Variants in FGGY observed in about 807,000 individuals in gnomAD.
The protein encoded by FGGY is FGGY carbohydrate kinase domain containing, also known as FGGY carbohydrate kinase domain-containing protein.
Under a neutral mutation model 71.3 loss-of-function variants are expected in FGGY, and 72 were observed. That is an observed-to-expected ratio of 1.01 (90% CI 0.84 to 1.23). The LOEUF is 1.23. Ranked by LOEUF, FGGY falls within the 50% of genes most tolerant of loss-of-function variation. The pLI is 0.00. For missense variants in FGGY, 668 were observed against 682.3 expected (o/e 0.98, Z 0.23); for synonymous variants, 251 against 250.3 (o/e 1.00, Z -0.02).
intron 8 of FGGY, among the ~76,000 whole-genome samples, chr1:59,594,004 G>T (rs891386040): frequency 2.0e-5 from 3 of 151,936 alleles, no homozygotes; most frequent in African/African-American, 7.2e-5. Context: ...CTGCAACCCT[G>T]GGGGGCAGCT....
At chr1:59,337,893 AGGTTGAATAGAAGT>A (rs2049911515) in intron 2 of FGGY, among the ~76,000 whole-genome samples, 1 of 152,196 alleles carries the variant, frequency 6.6e-6, no homozygotes, top group South Asian at 2.1e-4. Context: ...CTCAAGTATA[AGGTTGAATAGAAGT>A]GGTAAAAGTG....
chr1:59,678,897 G>C (rs1343790357), intron 14 of FGGY, among the ~76,000 whole-genome samples: 1 of 152,196 alleles, frequency 6.6e-6, no homozygotes, highest in East Asian at 1.9e-4. Flanking sequence ...CTTGGAATCA[G>C]CCAATTAATC....
intron 1 of FGGY, among the ~76,000 whole-genome samples, chr1:59,320,077 A>G (rs1295959661): frequency 6.6e-6 from 1 of 152,202 alleles, no homozygotes; most frequent in Non-Finnish European, 1.5e-5. Flanking sequence ...AGTTGAGGTT[A>G]CACACCAGTG....
chr1:59,556,244 G>T (rs373052380), intron 8 of FGGY, among the ~76,000 whole-genome samples: 1 of 152,240 alleles, frequency 6.6e-6, no homozygotes, highest in Non-Finnish European at 1.5e-5. Flanking sequence ...ATCTAATCAG[G>T]CTTCTCCTGG....
intron 5 of FGGY, among the ~76,000 whole-genome samples, chr1:59,389,190 C>T (rs1171029970): frequency 6.6e-6 from 1 of 152,172 alleles, no homozygotes; most frequent in East Asian, 1.9e-4. Flanking sequence ...TTGTGATCCG[C>T]CCACGGCTGA....
intron 7 of FGGY, among the ~76,000 whole-genome samples, chr1:59,515,533 T>C (rs932872187): frequency 3.9e-5 from 6 of 152,146 alleles, no homozygotes; most frequent in African/African-American, 1.4e-4. Context: ...TGATAATGAT[T>C]TGGCTGTGTC....
chr1:59,594,031 A>G (rs577689965), intron 8 of FGGY, among the ~76,000 whole-genome samples: 184 of 152,310 alleles, frequency 1.2e-3, no homozygotes, highest in African/African-American at 4.3e-3. Context: ...TAAACTTCTT[A>G]CAACAATTAA....
At chr1:59,700,210 T>C (rs1011595873) in intron 14 of FGGY, among the ~76,000 whole-genome samples, 11 of 152,200 alleles carry the variant, frequency 7.2e-5, no homozygotes, top group African/African-American at 2.4e-4. Flanking sequence ...CTAAGAATCA[T>C]TTCAAAAAGA....
At chr1:59,710,644 G>A (rs2097787273) in intron 14 of FGGY, among the ~76,000 whole-genome samples, 2 of 152,120 alleles carry the variant, frequency 1.3e-5, no homozygotes, top group Non-Finnish European at 2.9e-5. Flanking sequence ...AATATGAACA[G>A]ACACTTTTCA....
At chr1:59,477,915 C>A (rs979692668) in intron 6 of FGGY, among the ~76,000 whole-genome samples, 3 of 152,122 alleles carry the variant, frequency 2.0e-5, no homozygotes, top group Non-Finnish European at 4.4e-5. Context: ...ATTGTTGACT[C>A]AGAGCTGGGG....
intron 1 of FGGY, among the ~76,000 whole-genome samples, chr1:59,314,305 T>A (rs1034916064): frequency 2.6e-5 from 4 of 151,980 alleles, no homozygotes; most frequent in African/African-American, 9.7e-5. Context: ...TTTCAAGAGG[T>A]GATTCAGTGT....
chr1:59,450,389 G>C (rs11207451), intron 5 of FGGY, among the ~76,000 whole-genome samples: 80,278 of 151,942 alleles, frequency 0.53, 21,757 homozygotes, highest in African/African-American at 0.65. Context: ...ATTTATGTCT[G>C]TTGTATTTAC....
intron 5 of FGGY, among the ~76,000 whole-genome samples, chr1:59,419,131 G>T (rs953420323): frequency 3.9e-5 from 6 of 152,178 alleles, no homozygotes; most frequent in Admixed American, 1.3e-4. Flanking sequence ...GTTCTGGTTG[G>T]TGGTGGTGGT....
intron 1 of FGGY, among the ~76,000 whole-genome samples, chr1:59,309,105 T>A (rs2043868704): frequency 6.6e-6 from 1 of 152,270 alleles, no homozygotes; most frequent in African/African-American, 2.4e-5. Context: ...GACTTGATTT[T>A]AAAAATGGAT....
intron 10 of FGGY, among the ~76,000 whole-genome samples, chr1:59,629,797 T>C (rs1434169216): frequency 6.6e-6 from 1 of 152,204 alleles, no homozygotes; most frequent in Non-Finnish European, 1.5e-5. Flanking sequence ...TTTTCTTCAT[T>C]ATAACATAGG....
chr1:59,738,429 TAAAG>T (rs997141496), intron 14 of FGGY, among the ~76,000 whole-genome samples: 23 of 152,022 alleles, frequency 1.5e-4, no homozygotes, highest in Admixed American at 1.5e-3. Context: ...GAATAAAAGG[TAAAG>T]AAAGCTTTTG....
intron 5 of FGGY, among the ~76,000 whole-genome samples, chr1:59,443,457 A>G (rs1393543075): frequency 1.3e-5 from 2 of 151,956 alleles, no homozygotes; most frequent in Non-Finnish European, 2.9e-5. Flanking sequence ...CCACCCCCCA[A>G]CTAGTGGCTT....
intron 6 of FGGY, among the ~76,000 whole-genome samples, chr1:59,503,802 C>G (rs1335580114): frequency 6.6e-6 from 1 of 151,528 alleles, no homozygotes; most frequent in African/African-American, 2.4e-5. Context: ...GCCCATGATT[C>G]CTGGTTAACT....
At chr1:59,386,829 G>A (rs900305243) in intron 5 of FGGY, among the ~76,000 whole-genome samples, 2 of 151,938 alleles carry the variant, frequency 1.3e-5, no homozygotes, top group African/African-American at 4.8e-5. Flanking sequence ...TGGCATATGC[G>A]AAAACGGTTG....
Sources: allele counts gnomAD v4.1 joint callset (sites outside exome capture counted in the v4.1 genomes callset), GRCh38; gene constraint gnomAD v4.1.1; transcripts MANE v1.5; gene names NCBI Gene and HGNC (gene_info 2026-07-23, HGNC 2026-07-21).